SFRP2: variants seen among roughly 807,000 people sequenced by gnomAD.
SFRP2 encodes the protein secreted frizzled-related protein 2.
In SFRP2, 16 loss-of-function variants were observed where a neutral mutation model predicts 26.0. That is an observed-to-expected ratio of 0.61 (90% CI 0.42 to 0.93). The LOEUF is 0.93. Among genes scored for constraint, SFRP2 ranks in the 40% least tolerant of loss-of-function variants. SFRP2 has a pLI of 0.00. For missense variants in SFRP2, 343 were observed against 392.4 expected (o/e 0.87, Z 1.06); for synonymous variants, 173 against 167.3 (o/e 1.03, Z -0.26).
Position 153,788,860 on chromosome 4 carries a change from C to G in SFRP2, c.-25G>C, listed in dbSNP as rs938326269. On this transcript the variant is annotated 5_prime_UTR_variant, in exon 1 of 3. Transcript: ENST00000274063. Reference sequence around the variant, plus strand: ...TCGTGGGCGCGCGACCCCGAGGGGGCAGAGGGAGCGGAGCCGGGGAAGGGC... The same window carrying G: ...TCGTGGGCGCGCGACCCCGAGGGGGGAGAGGGAGCGGAGCCGGGGAAGGGC... The G allele has an allele frequency of 1.3e-6, 2 of 1,554,090 alleles. No homozygotes were observed.
Position 153,788,360 on chromosome 4 carries a change from T to A in SFRP2, c.476A>T (p.Asp159Val). Residue 159 changes from aspartate (D) to valine (V), a missense_variant, in exon 1 of 3, where the codon GAC (aspartate) becomes GTC (valine). By Grantham distance (152) the Asp-to-Val change is radical (BLOSUM62 -3). Around this residue, in one of 2 missense-constraint regions of SFRP2, gnomAD observed 251 missense variants for 253.3 expected, o/e 0.99. Transcript: ENST00000274063. ...TTCCTCGGTGGCTGGCAGGAGGTGG[T>A]CGCTGCTAGCGAGGGGGATGCAAAG... ...NDLCIPLASS[D>V]HLLPATEEAP... 1 of 1,610,496 alleles carries A rather than the reference T, an allele frequency of 6.2e-7. No individual in the cohort carries two copies. The highest frequency in any genetic ancestry group is 1.1e-5 in the South Asian group (1 of 91,008).
Position 153,781,424 on chromosome 4 carries a change from C to A in SFRP2, c.*27G>T. 6.3e-7 allele frequency: 1 copy of A among 1,595,804 alleles called. No individual in the cohort carries two copies. Among genetic ancestry groups the A allele is most frequent in the Non-Finnish European group, 8.5e-7 (1 of 1,171,822 alleles). ...ATGGTCAGCCGTGCTCTGGAGCAGG[C>A]CTGTCGGAGCCATCAGGATGCCGGG... On this transcript the variant is annotated 3_prime_UTR_variant, in exon 3 of 3. Transcript: ENST00000274063.
chr4:153,783,987 T>A (rs1377928152), intron 2 of SFRP2, among the ~76,000 whole-genome samples: 1 of 152,182 alleles, frequency 6.6e-6, no homozygotes, highest in East Asian at 1.9e-4. Flanking sequence ...GGGAGCACAC[T>A]AAGGCACACA....
chr4:153,781,525 A>T lies in SFRP2; in HGVS notation c.814T>A (p.Ser272Thr). ...TGCCCCTTCTGCCACCGCTTCACCG[A>T]GGTGATCACCAGCTCCCCACCCTGT... is the stretch of plus-strand genomic sequence containing the variant. ...QKQGGELVITSVKRWQKGQRE... is the reference protein window; with the variant it reads ...QKQGGELVITTVKRWQKGQRE... Residue 272 changes from serine to threonine, a missense_variant, in exon 3 of 3, where the codon TCG becomes ACG. Physicochemically the swap from Ser to Thr is moderately conservative, Grantham distance 58. Coordinates refer to ENST00000274063, the MANE Select transcript of SFRP2 (RefSeq NM_003013.3). 1 of 1,614,152 alleles carries T rather than the reference A, an allele frequency of 6.2e-7. No homozygotes were observed. The highest frequency in any genetic ancestry group is 8.5e-7 in the Non-Finnish European group (1 of 1,180,012).
At chr4:153,785,183 C>A (rs955471279) in intron 2 of SFRP2, among the ~76,000 whole-genome samples, 1 of 151,620 alleles carries the variant, frequency 6.6e-6, no homozygotes, top group African/African-American at 2.4e-5. Context: ...AAACTATTTT[C>A]GAAACTGTGG....
chr4:153,784,545 G>GT (rs2127183010), intron 2 of SFRP2, among the ~76,000 whole-genome samples: 1 of 152,312 alleles, frequency 6.6e-6, no homozygotes, highest in Non-Finnish European at 1.5e-5. Context: ...ACCAGTCAGA[G>GT]TTAAACCCAG....
rs1282652238 is a variant in SFRP2 at position 153,788,875 on chromosome 4, C to T, written c.-40G>A. 2 of 1,513,072 alleles carry T rather than the reference C, an allele frequency of 1.3e-6. No homozygotes were observed. Among genetic ancestry groups the T allele is most frequent in the Non-Finnish European group, 1.8e-6 (2 of 1,136,486 alleles). 93.7% of individuals were successfully genotyped at this position (1,513,072 alleles called of 1,614,324 possible). ...CCCGAGGGGGCAGAGGGAGCGGAGC[C>T]GGGGAAGGGCGAGGCGGCCGGAGTT... On this transcript the variant is annotated 5_prime_UTR_variant, in exon 1 of 3. Transcript: ENST00000274063.
intron 2 of SFRP2, among the ~76,000 whole-genome samples, chr4:153,782,564 G>T (rs375874248): frequency 6.6e-6 from 1 of 152,154 alleles, no homozygotes; most frequent in East Asian, 1.9e-4. Flanking sequence ...CCCTACAAAC[G>T]TGTATGCTGG....
intron 1 of SFRP2, among the ~76,000 whole-genome samples, chr4:153,786,354 A>T (rs1002353783): frequency 1.3e-5 from 2 of 152,226 alleles, no homozygotes; most frequent in Non-Finnish European, 2.9e-5. Flanking sequence ...GCACCCAAAG[A>T]ACCAAAGATA....
In SFRP2 at chr4:153,781,003, C is replaced by T. The variant is rs570482758; in HGVS notation, c.*448G>A. The T allele has an allele frequency of 1.7e-3, 300 of 175,834 alleles. 3 individuals carry two copies. The highest frequency in any genetic ancestry group is 1.6e-3 in the Non-Finnish European group (130 of 82,506). The allele number at this position is 175,834 out of a possible 1,614,324, so 10.9% of individuals were successfully genotyped here. A position where few individuals can be genotyped will look rare whatever the true frequency, so the allele number is the denominator to read the frequency against. ...GTTGAGATAACAGCCAGCTTTATCT[C>T]AACAGGGTTTGTGACCCACAAGTTT... On this transcript the variant is annotated 3_prime_UTR_variant, in exon 3 of 3. Coordinates refer to ENST00000274063, the MANE Select transcript of SFRP2 (RefSeq NM_003013.3).
intron 1 of SFRP2, among the ~76,000 whole-genome samples, chr4:153,786,498 G>T (rs1741211855): frequency 6.6e-6 from 1 of 152,272 alleles, no homozygotes; most frequent in East Asian, 1.9e-4. Flanking sequence ...TGGACTGGGA[G>T]GGGTGACTGG....
intron 1 of SFRP2, among the ~76,000 whole-genome samples, chr4:153,786,230 C>T (rs2127183731): frequency 6.6e-6 from 1 of 152,166 alleles, no homozygotes; most frequent in Middle Eastern, 3.4e-3. Context: ...GCAGAGTATA[C>T]AAGTGTATGT....
chr4:153,785,779 ACAT>A, intron 2 of SFRP2, 82 bp downstream of exon 2: 1 of 851,768 alleles, frequency 1.2e-6, no homozygotes, highest in Non-Finnish European at 1.8e-6. Flanking sequence ...TTATCTAGCA[ACAT>A]CATAATGATT....
At chr4:153,785,730 T>G (rs1741194123) in intron 2 of SFRP2, 134 bp downstream of exon 2, 2 of 584,688 alleles carry the variant, frequency 3.4e-6, no homozygotes, top group Admixed American at 3.4e-5. Flanking sequence ...GTTAGATGAT[T>G]TTGGGATACA....
chr4:153,785,554 CA>C (rs369450385), intron 2 of SFRP2, among the ~76,000 whole-genome samples: 121 of 46,494 alleles, frequency 2.6e-3, no homozygotes, highest in Non-Finnish European at 4.0e-3. Flanking sequence ...TGCCTGTCGG[CA>C]AAAAAAAAAA....
Position 153,781,435 on chromosome 4 carries a change from C to G in SFRP2, c.*16G>C, listed in dbSNP as rs765503696. The G allele has an allele frequency of 1.0e-5, 16 of 1,605,228 alleles. No homozygotes were observed. In the South Asian group the frequency reaches 1.7e-4, roughly 17 times the overall value. On this transcript the variant is annotated 3_prime_UTR_variant, in exon 3 of 3. Coordinates refer to ENST00000274063, the MANE Select transcript of SFRP2 (RefSeq NM_003013.3). ...TGCTCTGGAGCAGGCCTGTCGGAGCCATCAGGATGCCGGGACTAGCACTGC... is the reference window on the plus strand; with the variant it reads ...TGCTCTGGAGCAGGCCTGTCGGAGCGATCAGGATGCCGGGACTAGCACTGC...
At chr4:153,786,340 G>C (rs1321077764) in intron 1 of SFRP2, among the ~76,000 whole-genome samples, 3 of 152,176 alleles carry the variant, frequency 2.0e-5, no homozygotes, top group African/African-American at 7.2e-5. Flanking sequence ...TTTTGAAGGA[G>C]AAAGCACCCA....
In SFRP2 at chr4:153,781,675, A is replaced by G. The variant is rs1174550403; in HGVS notation, c.664T>C (p.Tyr222His). ...CTTTCGGACACACCGTTCAGCTTGT[A>G]AATGGTCTTGCTCTTGGTCTCCAGG... is the stretch of plus-strand genomic sequence containing the variant. ...IILETKSKTI[Y>H]KLNGVSERDL... The change falls in exon 3 of 3, where the codon TAC becomes CAC. Residue 222 changes from tyrosine to histidine, a missense_variant. Physicochemically the swap from Tyr to His is moderately conservative, Grantham distance 83. Around this residue, in one of 2 missense-constraint regions of SFRP2, gnomAD observed 92 missense variants for 139.0 expected, o/e 0.66. Transcript: ENST00000274063. The G allele has an allele frequency of 2.5e-6, 4 of 1,613,914 alleles. No homozygotes were observed. Among genetic ancestry groups the G allele is most frequent in the African/African-American group, 2.7e-5 (2 of 74,874 alleles).
At position 153,781,719 on chromosome 4, in the gene SFRP2, T is replaced by C. The variant is rs759496190; in HGVS notation, c.620A>G (p.Asn207Ser). The change falls in exon 3 of 3, where the codon AAC becomes AGC. Residue 207 changes from asparagine (N) to serine (S), a missense_variant. Transcript: ENST00000274063. The stretch of plus-strand genomic sequence containing the variant: ...CTCCAGGATGATTTTGGTATCTCGG[T>C]TGATGTAGGTTATCTCCTTCACTTT... ...KIKVKEITYI[N>S]RDTKIILETK... is the part of the protein sequence containing the mutation. 1 of 1,614,140 alleles carries C rather than the reference T, an allele frequency of 6.2e-7. No individual in the cohort carries two copies. The highest frequency in any genetic ancestry group is 8.5e-7 in the Non-Finnish European group (1 of 1,179,976).
Sources: gnomAD v4.1 joint callset for allele counts (sites outside exome capture counted in the v4.1 genomes callset) on GRCh38, gnomAD v4.1.1 for gene constraint, gnomAD v4.1.1 regional missense constraint, MANE v1.5 for transcripts, NCBI Gene and HGNC (gene_info 2026-07-23, HGNC 2026-07-21) for gene names.